Variants in PPIL4 observed in about 807,000 individuals in gnomAD.
The protein encoded by PPIL4 is peptidyl-prolyl cis-trans isomerase-like 4.
In PPIL4, 50 loss-of-function variants were observed where a neutral mutation model predicts 69.1. The ratio of observed to expected loss-of-function variants is 0.72; its 90% CI spans 0.58 to 0.92. PPIL4 has a LOEUF of 0.92. PPIL4 is among the 40% of genes least tolerant of loss of function. The pLI is 0.00. For synonymous variants in PPIL4, 193 were observed against 191.6 expected, an observed-to-expected ratio of 1.01 and a Z score of -0.06; for missense variants, 480 against 587.9, an observed-to-expected ratio of 0.82 and a Z score of 1.90.
intron 11 of PPIL4, among the ~76,000 whole-genome samples, chr6:149,513,385 C>CAAAAAAAA (rs1170985851): frequency 1.2e-4 from 5 of 41,548 alleles, no homozygotes; most frequent in East Asian, 7.8e-4. Flanking sequence ...GACTCAGTCT[C>CAAAAAAAA]AAAAAAAAAA....
intron 8 of PPIL4, among the ~76,000 whole-genome samples, chr6:149,526,085 C>A (rs1010984241): frequency 1.3e-5 from 2 of 151,808 alleles, no homozygotes; most frequent in Non-Finnish European, 2.9e-5. Flanking sequence ...GGCAACAGAG[C>A]GAGACTCCAT....
chr6:149,539,429 G>A (rs1428825566), intron 4 of PPIL4, among the ~76,000 whole-genome samples: 1 of 152,166 alleles, frequency 6.6e-6, no homozygotes, highest in African/African-American at 2.4e-5. Flanking sequence ...CCAAGCTGGA[G>A]TGCAGTGGTA....
At chr6:149,519,083 T>C (rs1349105827) in intron 10 of PPIL4, among the ~76,000 whole-genome samples, 1 of 152,208 alleles carries the variant, frequency 6.6e-6, no homozygotes, top group Non-Finnish European at 1.5e-5. Context: ...TGTGACATTT[T>C]ATCTTAGGAA....
intron 7 of PPIL4, 42 bp downstream of exon 7, chr6:149,533,416 A>C: frequency 9.8e-7 from 1 of 1,025,626 alleles, no homozygotes; most frequent in Non-Finnish European, 1.5e-6. Context: ...AAGTATTATT[A>C]GATATATTAC....
intron 7 of PPIL4, 75 bp from the exon 8 acceptor site, chr6:149,526,851 T>G: frequency 7.2e-7 from 1 of 1,386,694 alleles, no homozygotes; most frequent in South Asian, 1.2e-5. Context: ...AATCCCACAA[T>G]GCTGATTTCC....
intron 10 of PPIL4, among the ~76,000 whole-genome samples, chr6:149,519,606 A>G (rs1300568613): frequency 6.6e-6 from 1 of 152,200 alleles, no homozygotes; most frequent in Non-Finnish European, 1.5e-5. Context: ...TGGAACTCCA[A>G]TCCAAGTCAC....
rs34268228 is a variant in PPIL4, at chr6:149,520,581, GCACACA to G, written c.982+473_982+478del. 8.0e-5 allele frequency among the ~76,000 whole-genome samples: 12 copies of G among 149,730 alleles called. 1 individual carries two copies. In the East Asian group the frequency reaches 1.2e-3, roughly 15 times the overall value. On this transcript the variant is annotated intron_variant, in intron 10 of 12. Transcript: ENST00000253329. ...CACAGGTGCACACATGCATGTGTGT[GCACACA>G]CACACACACACACACTCTACCTCAG...
intron 1 of PPIL4, among the ~76,000 whole-genome samples, chr6:149,543,703 GT>G (rs984151623): frequency 2.7e-5 from 4 of 147,596 alleles, no homozygotes; most frequent in South Asian, 2.2e-4. Context: ...ATTTTTTCTT[GT>G]TTTTTTTAAA....
chr6:149,510,045 C>A (rs144469965), intron 12 of PPIL4, among the ~76,000 whole-genome samples: 2 of 152,204 alleles, frequency 1.3e-5, no homozygotes, highest in Admixed American at 1.3e-4. Flanking sequence ...CAAGCATGAG[C>A]CACTGCACCT....
intron 11 of PPIL4, among the ~76,000 whole-genome samples, chr6:149,513,590 A>G (rs928459620): frequency 6.6e-6 from 1 of 151,106 alleles, no homozygotes; most frequent in Non-Finnish European, 1.5e-5. Flanking sequence ...AATGCTACAG[A>G]AAAAACCCTA....
At chr6:149,537,682 G>T (rs564264416) in intron 4 of PPIL4, among the ~76,000 whole-genome samples, 1 of 151,782 alleles carries the variant, frequency 6.6e-6, no homozygotes, top group Admixed American at 6.6e-5. Flanking sequence ...CTCCAGCCTG[G>T]GCGACAGAGC....
At chr6:149,518,339 C>T (rs907719695) in intron 10 of PPIL4, among the ~76,000 whole-genome samples, 9 of 152,156 alleles carry the variant, frequency 5.9e-5, no homozygotes, top group African/African-American at 1.9e-4. Flanking sequence ...GAATTCAATT[C>T]GCATCCATGT....
At chr6:149,519,445 A>G (rs2115031154) in intron 10 of PPIL4, among the ~76,000 whole-genome samples, 1 of 152,312 alleles carries the variant, frequency 6.6e-6, no homozygotes, top group Middle Eastern at 3.4e-3. Flanking sequence ...TACTTACTGG[A>G]ATCTTTCATT....
rs1777014998 is a variant in PPIL4 at position 149,520,584 on chromosome 6, CA to C, written c.982+475del. 3.5e-5 allele frequency among the ~76,000 whole-genome samples: 3 copies of C among 85,032 alleles called. No homozygotes were observed. The South Asian group carries it at 1.3e-3, about 36-fold the overall frequency. The allele number at this position is 85,032 out of a possible 152,430, so 55.8% of individuals were successfully genotyped here. A position where few individuals can be genotyped will look rare whatever the true frequency, so the allele number is the denominator to read the frequency against. On this transcript the variant is annotated intron_variant, in intron 10 of 12. Coordinates refer to ENST00000253329, the MANE Select transcript of PPIL4 (RefSeq NM_139126.4). The stretch of plus-strand genomic sequence containing the variant: ...AGGTGCACACATGCATGTGTGTGCA[CA>C]CACACACACACACACACTCTACCTC...
rs761428138 is a variant in PPIL4 at position 149,517,451 on chromosome 6, CTATT to C, written c.983-5_983-2del. On this transcript the variant is annotated splice_acceptor_variant and splice_polypyrimidine_tract_variant and intron_variant, in intron 10 of 12. Transcript: ENST00000253329. LOFTEE classifies it high-confidence loss of function. Reference sequence around the variant, plus strand: ...AAATCACTCTTGGTGTATTTCCCACCTATTTATTAAGAAAAGAAAAAAAGAGCTT... The same window carrying C: ...AAATCACTCTTGGTGTATTTCCCACCTATTAAGAAAAGAAAAAAAGAGCTT... 1.3e-6 allele frequency: 2 copies of C among 1,487,554 alleles called. No homozygotes were observed. The highest frequency in any genetic ancestry group is 1.8e-6 in the Non-Finnish European group (2 of 1,099,612). The allele number at this position is 1,487,554 out of a possible 1,614,324, so 92.1% of individuals were successfully genotyped here.
chr6:149,521,012 CAAAAAA>C (rs373268154), intron 10 of PPIL4, 42 bp downstream of exon 10: 2 of 868,788 alleles, frequency 2.3e-6, no homozygotes, highest in East Asian at 2.8e-5. Flanking sequence ...GACTCCATCT[CAAAAAA>C]AAAAAAAAAG....
chr6:149,533,230 G>C (rs1352250385), intron 7 of PPIL4, among the ~76,000 whole-genome samples: 1 of 152,132 alleles, frequency 6.6e-6, no homozygotes, highest in Non-Finnish European at 1.5e-5. Context: ...ATAAGTTAGA[G>C]ATCCACTTCC....
At chr6:149,544,514 G>A (rs1367691651) in intron 1 of PPIL4, among the ~76,000 whole-genome samples, 2 of 152,174 alleles carry the variant, frequency 1.3e-5, no homozygotes, top group Non-Finnish European at 2.9e-5. Flanking sequence ...ATTCTTGAGC[G>A]AGGGCACGCT....
At chr6:149,530,484 C>A (rs1371876490) in intron 7 of PPIL4, among the ~76,000 whole-genome samples, 1 of 151,882 alleles carries the variant, frequency 6.6e-6, no homozygotes, top group Non-Finnish European at 1.5e-5. Context: ...CATGGTGAAA[C>A]CCTGTCTCTA....
Sources: allele counts gnomAD v4.1 joint callset (sites outside exome capture counted in the v4.1 genomes callset), GRCh38; gene constraint gnomAD v4.1.1; transcripts MANE v1.5; gene names NCBI Gene and HGNC (gene_info 2026-07-23, HGNC 2026-07-21).